The following CRYBA1 variants were observed in gnomAD, a reference collection of about 807,000 sequenced individuals.
The protein encoded by CRYBA1 is crystallin beta A1.
CRYBA1 carries 25 observed loss-of-function variants against 36.2 expected under a neutral mutation model. The observed-to-expected ratio is 0.69, with a 90% CI of 0.50 to 0.97. The LOEUF (loss-of-function observed/expected upper bound fraction) is 0.97, where lower values mean the gene tolerates loss of function less well. Among genes scored for constraint, CRYBA1 ranks in the 50% least tolerant of loss-of-function variants. The pLI is 0.00. For synonymous variants in CRYBA1, 111 were observed against 90.0 expected (o/e 1.23, Z -1.32); for missense variants, 224 against 276.3 (o/e 0.81, Z 1.34).
intron 3 of CRYBA1, among the ~76,000 whole-genome samples, chr17:29,251,815 T>C (rs1239215834): frequency 6.6e-6 from 1 of 152,194 alleles, no homozygotes; most frequent in Non-Finnish European, 1.5e-5. Flanking sequence ...GCTAATACAC[T>C]TCACTCAGAC....
chr17:29,250,690 T>A (rs141619479), intron 3 of CRYBA1, among the ~76,000 whole-genome samples: 471 of 152,170 alleles, frequency 3.1e-3, no homozygotes, highest in African/African-American at 0.011. Context: ...TGCCTCTTCA[T>A]GGCTAACTCT....
rs578242429 is a variant in CRYBA1 at position 29,252,077 on chromosome 17, G to A, written c.229G>A (p.Glu77Lys). ...TGTCTTTGGCAGCTGGATTGGTTAT[G>A]AGCATACCAGCTTCTGTGGGCAACA... ...KVESGAWIGY[E>K]HTSFCGQQFI... Residue 77 changes from glutamate (E) to lysine (K), a missense_variant, in exon 4 of 6, where the codon GAG (glutamate) becomes AAG (lysine). Physicochemically the swap from Glu to Lys is moderately conservative, Grantham distance 56 (BLOSUM62 1). Coordinates refer to ENST00000225387, the MANE Select transcript of CRYBA1 (RefSeq NM_005208.5). The A allele has an allele frequency of 6.2e-7, 1 of 1,614,188 alleles. No homozygotes were observed. The highest frequency in any genetic ancestry group is 1.1e-5 in the South Asian group (1 of 91,080).
intron 4 of CRYBA1, 102 bp downstream of exon 4, chr17:29,252,307 G>C: frequency 6.7e-7 from 1 of 1,499,902 alleles, no homozygotes; most frequent in South Asian, 1.2e-5. Context: ...TGCTGAATGT[G>C]GCAGGAAAAA....
chr17:29,252,073 T>C lies in CRYBA1; in HGVS notation c.225T>C (p.Gly75=), dbSNP rs748075164. 1.9e-6 allele frequency: 3 copies of C among 1,614,118 alleles called. 1 individual carries two copies. In the Admixed American group the frequency reaches 5.0e-5, roughly 27 times the overall value. Residue 75 remains glycine, a synonymous_variant, in exon 4 of 6, where the codon GGT becomes GGC. Transcript: ENST00000225387. ...SLKVESGAWI[G]YEHTSFCGQQ... ...TACATGTCTTTGGCAGCTGGATTGG[T>C]TATGAGCATACCAGCTTCTGTGGGC...
In CRYBA1 at chr17:29,252,173, C is replaced by A; in HGVS notation, c.325C>A (p.Arg109Ser). The part of the protein sequence containing the change: ...WSGSNAYHIE[R>S]LMSFRPICSA... Reference sequence around the variant, plus strand: ...TGGGAGTAATGCCTACCACATTGAGCGTCTCATGTCCTTCCGCCCCATCTG... The same window carrying A: ...TGGGAGTAATGCCTACCACATTGAGAGTCTCATGTCCTTCCGCCCCATCTG... The change falls in exon 4 of 6, where the codon CGT (arginine) becomes AGT (serine). Residue 109 changes from arginine to serine, a missense_variant. Arg to Ser is a moderately radical substitution (Grantham distance 110). Coordinates refer to ENST00000225387, the MANE Select transcript of CRYBA1 (RefSeq NM_005208.5). 6.2e-7 allele frequency: 1 copy of A among 1,614,144 alleles called. No individual in the cohort carries two copies.
Position 29,252,209 on chromosome 17 carries a change from A to T in CRYBA1, c.357+4A>T. 1 of 1,614,094 alleles carries T rather than the reference A, an allele frequency of 6.2e-7. No individual in the cohort carries two copies. Among genetic ancestry groups the T allele is most frequent in the Non-Finnish European group, 8.5e-7 (1 of 1,180,016 alleles). On this transcript the variant is annotated splice_donor_region_variant and intron_variant, in intron 4 of 5. Transcript: ENST00000225387. ...CTTCCGCCCCATCTGTTCAGCTGTG[A>T]GTCTCTGAAATTTCCACTTCCGTGC...
At position 29,250,275 on chromosome 17, in the gene CRYBA1, C is replaced by A. The variant is rs779791800; in HGVS notation, c.190C>A (p.Arg64=). 6.2e-7 allele frequency: 1 copy of A among 1,611,520 alleles called. No individual in the cohort carries two copies. The highest frequency in any genetic ancestry group is 8.5e-7 in the Non-Finnish European group (1 of 1,177,600). Residue 64 remains arginine (R), a synonymous_variant, in exon 3 of 6, where the codon CGG becomes AGG. Transcript: ENST00000225387. ...CTCTGAGCGCAGTTTTGATAATGTCCGGTCCCTGAAGGTGGAAAGTGGCGC... is the reference window on the plus strand; with the variant it reads ...CTCTGAGCGCAGTTTTGATAATGTCAGGTCCCTGAAGGTGGAAAGTGGCGC... The part of the protein sequence containing the change: ...NVSERSFDNV[R]SLKVESGAWI...
intron 5 of CRYBA1, 39 bp from the exon 6 acceptor site, chr17:29,254,163 A>C (rs753148634): frequency 1.4e-5 from 23 of 1,609,918 alleles, no homozygotes; most frequent in South Asian, 6.6e-5. Context: ...CCAGATTCCT[A>C]ATTAGTTTTA....
chr17:29,249,054 C>T (rs879211457), intron 1 of CRYBA1, 88 bp from the exon 2 acceptor site: 1 of 884,952 alleles, frequency 1.1e-6, no homozygotes. Context: ...GTCTTGCAGA[C>T]TTCAAGTCTC....
intron 3 of CRYBA1, among the ~76,000 whole-genome samples, chr17:29,250,709 A>G (rs1388294971): frequency 2.0e-5 from 3 of 152,102 alleles, no homozygotes; most frequent in Non-Finnish European, 4.4e-5. Flanking sequence ...CTCCTCCTGC[A>G]TATCCCAGAG....
In CRYBA1 at chr17:29,249,208, T is replaced by A. The variant is rs2068920519; in HGVS notation, c.96+2T>A. 9.4e-6 allele frequency: 15 copies of A among 1,602,530 alleles called. No individual in the cohort carries two copies. The highest frequency in any genetic ancestry group is 1.3e-5 in the Non-Finnish European group (15 of 1,170,252). ...CCGGGGTCCCTGGGGCCATGGAAGG[T>A]AAGCCCACCCCCATCACATCCAACA... is the stretch of plus-strand genomic sequence containing the variant. On this transcript the variant is annotated splice_donor_variant, in intron 2 of 5. Transcript: ENST00000225387. LOFTEE classifies it high-confidence loss of function.
intron 4 of CRYBA1, 39 bp downstream of exon 4, chr17:29,252,244 A>G: frequency 6.2e-7 from 1 of 1,612,832 alleles, no homozygotes; most frequent in Non-Finnish European, 8.5e-7. Flanking sequence ...CATATGAGGG[A>G]TGGGACAAGA....
chr17:29,251,378 C>T (rs1042768260), intron 3 of CRYBA1, among the ~76,000 whole-genome samples: 2 of 152,076 alleles, frequency 1.3e-5, no homozygotes, highest in South Asian at 2.1e-4. Context: ...TGTTGGGCTG[C>T]GTTCAAAGCT....
Position 29,254,418 on chromosome 17 carries a change from TTA to T in CRYBA1, c.*71_*72del. 1 of 1,510,502 alleles carries T rather than the reference TTA, an allele frequency of 6.6e-7. No individual in the cohort carries two copies. The allele number at this position is 1,510,502 out of a possible 1,614,324, so 93.6% of individuals were successfully genotyped here. A position where few individuals can be genotyped will look rare whatever the true frequency, so the allele number is the denominator to read the frequency against. ...CTTGCTAAGCACTCTAGAATAAGTT[TTA>T]TGTTCTGCTCACAGACATTGCTTTC... On this transcript the variant is annotated 3_prime_UTR_variant, in exon 6 of 6. Coordinates refer to ENST00000225387, the MANE Select transcript of CRYBA1 (RefSeq NM_005208.5).
At chr17:29,252,468 C>T (rs1468995367) in intron 4 of CRYBA1, among the ~76,000 whole-genome samples, 5 of 152,156 alleles carry the variant, frequency 3.3e-5, no homozygotes, top group African/African-American at 1.2e-4. Context: ...ACTTGTGAAA[C>T]ACTAGTAAAT....
Position 29,249,238 on chromosome 17 carries a change from AG to A in CRYBA1, c.96+36del, listed in dbSNP as rs762204576. On this transcript the variant is annotated intron_variant, in intron 2 of 5. Transcript: ENST00000225387. Reference sequence around the variant, plus strand: ...CCACCCCCATCACATCCAACAGGGCAGGGGTGACATGCTGCACAGAGCAGGC... The same window carrying A: ...CCACCCCCATCACATCCAACAGGGCAGGGTGACATGCTGCACAGAGCAGGC... 1.8e-4 allele frequency: 262 copies of A among 1,461,240 alleles called. 2 individuals are homozygous for A. The Middle Eastern group carries it at 4.8e-3, about 27-fold the overall frequency. The allele number at this position is 1,461,240 out of a possible 1,614,324, so 90.5% of individuals were successfully genotyped here. A position where few individuals can be genotyped will look rare whatever the true frequency, so the allele number is the denominator to read the frequency against.
chr17:29,253,871 C>T (rs751263504), intron 5 of CRYBA1, 89 bp downstream of exon 5: 38 of 1,448,706 alleles, frequency 2.6e-5, no homozygotes, highest in Non-Finnish European at 3.2e-5. Flanking sequence ...TCATACGTAT[C>T]GGTATAGATG....
In CRYBA1 at chr17:29,249,054, C is replaced by G. The variant is rs879211457; in HGVS notation, c.32-88C>G. ...TTTCAACCAAAGTCTGTCTTGCAGA[C>G]TTCAAGTCTCCTTTACCTTTCAAGG... On this transcript the variant is annotated intron_variant, in intron 1 of 5. Transcript: ENST00000225387. 4.5e-6 allele frequency: 4 copies of G among 884,952 alleles called. No individual in the cohort carries two copies. The South Asian group carries it at 5.3e-5, about 12-fold the overall frequency. 54.8% of individuals were successfully genotyped at this position (884,952 alleles called of 1,614,324 possible).
At chr17:29,249,830 T>C (rs1179009762) in intron 2 of CRYBA1, among the ~76,000 whole-genome samples, 1 of 152,210 alleles carries the variant, frequency 6.6e-6, no homozygotes, top group African/African-American at 2.4e-5. Flanking sequence ...AAGGAGCTCC[T>C]GGGACTCCCA....
Sources: gnomAD v4.1 joint callset for allele counts (sites outside exome capture counted in the v4.1 genomes callset) on GRCh38, gnomAD v4.1.1 for gene constraint, MANE v1.5 for transcripts, NCBI Gene and HGNC (gene_info 2026-07-23, HGNC 2026-07-21) for gene names.